The following RBFOX1 variants were observed in gnomAD, a reference collection of about 807,000 sequenced individuals.
The protein encoded by RBFOX1 is RNA binding protein fox-1 homolog 1.
RBFOX1 carries 8 observed loss-of-function variants against 57.7 expected under a neutral mutation model. The ratio of observed to expected loss-of-function variants is 0.14; its 90% confidence interval spans 0.08 to 0.25. The LOEUF (loss-of-function observed/expected upper bound fraction) is 0.25, where lower values mean the gene tolerates loss of function less well. Ranked by LOEUF, RBFOX1 falls within the 10% of genes least tolerant of loss-of-function variation. RBFOX1 has a pLI of 1.00. For missense variants in RBFOX1, 611 were observed against 548.5 expected (o/e 1.11, Z -1.14); for synonymous variants, 326 against 222.4 (o/e 1.47, Z -4.15).
intron 3 of RBFOX1, among the ~76,000 whole-genome samples, chr16:6,729,149 T>A (rs2067934646): frequency 6.6e-6 from 1 of 152,196 alleles, no homozygotes; most frequent in Non-Finnish European, 1.5e-5. Context: ...ATTTTGCTGA[T>A]ATTTTCTTCT....
intron 3 of RBFOX1, among the ~76,000 whole-genome samples, chr16:6,979,092 C>A (rs1312967118): frequency 6.6e-6 from 1 of 152,142 alleles, no homozygotes; most frequent in African/African-American, 2.4e-5. Flanking sequence ...CCAATATGTT[C>A]AACATGATGA....
At chr16:7,314,290 C>G (rs2096388678) in intron 4 of RBFOX1, among the ~76,000 whole-genome samples, 2 of 152,194 alleles carry the variant, frequency 1.3e-5, no homozygotes, top group African/African-American at 4.8e-5. Context: ...ACACCCCGCA[C>G]CACTGCTTTT....
At chr16:7,193,536 T>A (rs990526479) in intron 4 of RBFOX1, among the ~76,000 whole-genome samples, 2 of 152,240 alleles carry the variant, frequency 1.3e-5, no homozygotes, top group African/African-American at 4.8e-5. Flanking sequence ...CAAATGCTTT[T>A]ATGGTCCTTA....
chr16:6,473,911 C>T (rs988486372), intron 2 of RBFOX1, among the ~76,000 whole-genome samples: 11 of 152,138 alleles, frequency 7.2e-5, no homozygotes, highest in Non-Finnish European at 1.2e-4. Context: ...CTGTCAGTTA[C>T]GAATCTAGTC....
intron 4 of RBFOX1, among the ~76,000 whole-genome samples, chr16:7,115,987 C>T (rs1599923792): frequency 1.3e-5 from 2 of 152,272 alleles, no homozygotes; most frequent in East Asian, 3.9e-4. Flanking sequence ...TGAAAGCTCA[C>T]ATATATGGAG....
chr16:6,357,210 C>T lies in RBFOX1; in HGVS notation c.-64+40153C>T, dbSNP rs577178152. ...GCTTTGCACGCTATTGTACAACACA[C>T]TGGGGGAAAATGAGCCTTCGTGCTA... is the stretch of plus-strand genomic sequence containing the variant. On this transcript the variant is annotated intron_variant, in intron 2 of 15. Coordinates refer to ENST00000550418, the MANE Select transcript of RBFOX1 (RefSeq NM_018723.4). Among the ~76,000 whole-genome samples the T allele has an allele frequency of 3.9e-4, 60 of 152,164 alleles. 1 individual carries two copies. The South Asian group carries it at 0.012, about 32-fold the overall frequency.
chr16:5,422,054 A>G (rs893528017), intron 1 of RBFOX1, among the ~76,000 whole-genome samples: 2 of 152,230 alleles, frequency 1.3e-5, no homozygotes, highest in Admixed American at 6.5e-5. Flanking sequence ...CTGTTAACTG[A>G]AAATAACAAA....
At chr16:7,107,484 G>C (rs1322573413) in intron 4 of RBFOX1, among the ~76,000 whole-genome samples, 1 of 152,048 alleles carries the variant, frequency 6.6e-6, no homozygotes. Flanking sequence ...CAGCTTTATT[G>C]AGGAAGGATT....
chr16:6,521,394 C>G (rs755170978), intron 2 of RBFOX1, among the ~76,000 whole-genome samples: 16 of 151,630 alleles, frequency 1.1e-4, no homozygotes, highest in Non-Finnish European at 1.9e-4. Context: ...CCTTCCCTCT[C>G]TCCCTCCCTT....
At chr16:6,539,785 G>A (rs186220308) in intron 2 of RBFOX1, among the ~76,000 whole-genome samples, 60 of 79,172 alleles carry the variant, frequency 7.6e-4, no homozygotes, top group African/African-American at 1.9e-3. Flanking sequence ...GCGGCAGACT[G>A]AGGCTGCATC....
intron 4 of RBFOX1, among the ~76,000 whole-genome samples, chr16:7,190,419 C>T (rs761436664): frequency 6.6e-6 from 1 of 152,136 alleles, no homozygotes; most frequent in Non-Finnish European, 1.5e-5. Context: ...TTTTTGTTGT[C>T]AGCCTTTACA....
At chr16:6,875,959 C>G (rs1024259445) in intron 3 of RBFOX1, among the ~76,000 whole-genome samples, 1 of 152,040 alleles carries the variant, frequency 6.6e-6, no homozygotes, top group Non-Finnish European at 1.5e-5. Flanking sequence ...AATTATGTCA[C>G]TGCACTTCAG....
chr16:7,089,492 C>T (rs1303135580), intron 4 of RBFOX1, among the ~76,000 whole-genome samples: 1 of 151,954 alleles, frequency 6.6e-6, no homozygotes, highest in Non-Finnish European at 1.5e-5. Flanking sequence ...GCCTTTTTGG[C>T]TTTTATTTTG....
At chr16:5,700,638 C>T (rs946329136) in intron 3 of RBFOX1, among the ~76,000 whole-genome samples, 1 of 152,210 alleles carries the variant, frequency 6.6e-6, no homozygotes, top group African/African-American at 2.4e-5. Context: ...CTGGAAAATT[C>T]TCCATAATGA....
At chr16:5,341,101 G>T (rs975943330) in intron 1 of RBFOX1, among the ~76,000 whole-genome samples, 1 of 152,178 alleles carries the variant, frequency 6.6e-6, no homozygotes, top group Non-Finnish European at 1.5e-5. Flanking sequence ...AACAAGCTTG[G>T]TGAATTTGCA....
At chr16:6,411,873 C>T (rs1421505093) in intron 2 of RBFOX1, among the ~76,000 whole-genome samples, 1 of 152,090 alleles carries the variant, frequency 6.6e-6, no homozygotes, top group East Asian at 1.9e-4. Context: ...GTGGCTCACG[C>T]CTGTAATCCC....
chr16:7,453,189 T>C (rs954147778), intron 4 of RBFOX1, among the ~76,000 whole-genome samples: 8 of 150,916 alleles, frequency 5.3e-5, no homozygotes, highest in Non-Finnish European at 8.8e-5. Flanking sequence ...GTAGCCAGGA[T>C]GGCTTCCTGA....
chr16:5,826,507 C>G (rs2056061113), intron 3 of RBFOX1, among the ~76,000 whole-genome samples: 1 of 152,222 alleles, frequency 6.6e-6, no homozygotes, highest in Non-Finnish European at 1.5e-5. Context: ...TGACTCAACT[C>G]TACCATTTGG....
At chr16:5,495,033 G>A (rs1472344592) in intron 2 of RBFOX1, among the ~76,000 whole-genome samples, 2 of 152,166 alleles carry the variant, frequency 1.3e-5, no homozygotes, top group African/African-American at 2.4e-5. Context: ...TGCTATAAAA[G>A]ACATACCTCA....
Sources: allele counts gnomAD v4.1 joint callset (sites outside exome capture counted in the v4.1 genomes callset), GRCh38; gene constraint gnomAD v4.1.1; transcripts MANE v1.5; gene names NCBI Gene and HGNC (gene_info 2026-07-23, HGNC 2026-07-21).